The following NKAIN2 variants were observed in gnomAD, a reference collection of about 807,000 sequenced individuals.
NKAIN2 encodes sodium/potassium-transporting ATPase subunit beta-1-interacting protein 2.
Under a neutral mutation model 32.6 loss-of-function variants are expected in NKAIN2, and 14 were observed. That is an observed-to-expected ratio of 0.43 (90% CI 0.28 to 0.67). NKAIN2 has a LOEUF of 0.67. Among genes scored for constraint, NKAIN2 ranks in the 30% least tolerant of loss-of-function variants. The pLI, the probability that NKAIN2 is intolerant of heterozygous loss-of-function variation, is 0.17. For synonymous variants in NKAIN2, 80 were observed against 87.2 expected, an observed-to-expected ratio of 0.92 and a Z score of 0.46; for missense variants, 198 against 258.3, an observed-to-expected ratio of 0.77 and a Z score of 1.60.
chr6:124,704,848 A>G (rs1774974014), intron 4 of NKAIN2, among the ~76,000 whole-genome samples: 1 of 151,986 alleles, frequency 6.6e-6, no homozygotes, highest in Admixed American at 6.6e-5. Context: ...TCAGCAGGAA[A>G]TGGAAACAAC....
In NKAIN2 at chr6:124,551,591, A is replaced by T. The variant is rs1377219420; in HGVS notation, c.274-106595A>T. Reference sequence around the variant, plus strand: ...AAGCAAGCAAAAAAAAAATGTCATTACTGCTTTTGTCAGGGAAAAGGTGAT... The same window carrying T: ...AAGCAAGCAAAAAAAAAATGTCATTTCTGCTTTTGTCAGGGAAAAGGTGAT... On this transcript the variant is annotated intron_variant, in intron 3 of 6. Transcript: ENST00000368417. Among the ~76,000 whole-genome samples, 4 of 152,206 alleles carry T rather than the reference A, an allele frequency of 2.6e-5. No individual in the cohort carries two copies. In the East Asian group the frequency reaches 7.7e-4, roughly 29 times the overall value.
At chr6:124,790,521 C>T (rs1433765652) in intron 4 of NKAIN2, among the ~76,000 whole-genome samples, 1 of 152,062 alleles carries the variant, frequency 6.6e-6, no homozygotes, top group Non-Finnish European at 1.5e-5. Flanking sequence ...TTCCTCCAAA[C>T]TAGATCAATT....
chr6:124,167,034 G>C (rs1240637381), intron 1 of NKAIN2, among the ~76,000 whole-genome samples: 1 of 148,244 alleles, frequency 6.7e-6, no homozygotes, highest in Non-Finnish European at 1.5e-5. Flanking sequence ...CTTTAAAGTA[G>C]TTTTTTCCAA....
chr6:124,468,096 T>C (rs1028752675), intron 3 of NKAIN2, among the ~76,000 whole-genome samples: 15 of 152,260 alleles, frequency 9.9e-5, no homozygotes, highest in African/African-American at 3.1e-4. Flanking sequence ...CTGTATTATT[T>C]TGATACTTTC....
chr6:124,807,132 A>G (rs1780607402), intron 5 of NKAIN2, among the ~76,000 whole-genome samples: 1 of 152,158 alleles, frequency 6.6e-6, no homozygotes, highest in East Asian at 1.9e-4. Context: ...CTCTGCACCA[A>G]GTGGACCTAA....
At chr6:123,982,528 T>C (rs1778945919) in intron 1 of NKAIN2, among the ~76,000 whole-genome samples, 2 of 152,074 alleles carry the variant, frequency 1.3e-5, no homozygotes, top group Non-Finnish European at 2.9e-5. Flanking sequence ...TTGTGTGATT[T>C]TAGTGCATAT....
intron 1 of NKAIN2, among the ~76,000 whole-genome samples, chr6:123,860,747 CT>C (rs1197747836): frequency 2.6e-5 from 4 of 152,160 alleles, no homozygotes; most frequent in Non-Finnish European, 5.9e-5. Flanking sequence ...TTTATTGAAG[CT>C]TTTTATATAT....
chr6:124,802,325 C>T (rs1021967806), intron 5 of NKAIN2, among the ~76,000 whole-genome samples: 16 of 152,108 alleles, frequency 1.1e-4, no homozygotes, highest in African/African-American at 3.6e-4. Context: ...TCATGTCTAA[C>T]GAGCTCACCT....
chr6:124,437,248 G>C (rs143798675), intron 3 of NKAIN2, among the ~76,000 whole-genome samples: 1 of 152,150 alleles, frequency 6.6e-6, no homozygotes, highest in Non-Finnish European at 1.5e-5. Context: ...AAAAGGGCAG[G>C]GAATTTTTTT....
chr6:124,544,453 T>C (rs1321531392), intron 3 of NKAIN2, among the ~76,000 whole-genome samples: 1 of 152,040 alleles, frequency 6.6e-6, no homozygotes, highest in Admixed American at 6.6e-5. Flanking sequence ...CTGTAGAAAC[T>C]GGAAGCAACA....
chr6:124,706,640 C>G (rs1391982525), intron 4 of NKAIN2, among the ~76,000 whole-genome samples: 1 of 152,126 alleles, frequency 6.6e-6, no homozygotes, highest in Admixed American at 6.6e-5. Context: ...GATGTGAAAG[C>G]AGATAGAAAA....
chr6:123,887,241 TCTGTATTTGTGA>T (rs1773766794), intron 1 of NKAIN2, among the ~76,000 whole-genome samples: 1 of 152,052 alleles, frequency 6.6e-6, no homozygotes. Flanking sequence ...TAATGATGAG[TCTGTATTTGTGA>T]CATCTAGTGG....
At chr6:124,349,989 T>C (rs1248260146) in intron 2 of NKAIN2, among the ~76,000 whole-genome samples, 1 of 152,180 alleles carries the variant, frequency 6.6e-6, no homozygotes, top group Non-Finnish European at 1.5e-5. Flanking sequence ...TTTTCTCTCA[T>C]CACAGACAAT....
At chr6:124,344,815 A>G (rs1387006994) in intron 2 of NKAIN2, among the ~76,000 whole-genome samples, 1 of 152,104 alleles carries the variant, frequency 6.6e-6, no homozygotes, top group African/African-American at 2.4e-5. Flanking sequence ...CTAACTGAAT[A>G]CCCTTTATTT....
intron 3 of NKAIN2, among the ~76,000 whole-genome samples, chr6:124,425,653 C>A (rs1049292964): frequency 1.3e-5 from 2 of 151,846 alleles, no homozygotes; most frequent in East Asian, 3.9e-4. Context: ...CTGAACAGAC[C>A]TTTCTCCAAA....
chr6:124,441,319 G>A (rs534666012), intron 3 of NKAIN2, among the ~76,000 whole-genome samples: 2 of 152,178 alleles, frequency 1.3e-5, no homozygotes, highest in Admixed American at 6.6e-5. Context: ...CAAGAGAAAT[G>A]TGGTAGTTTA....
At chr6:124,232,848 T>G (rs1404613307) in intron 1 of NKAIN2, among the ~76,000 whole-genome samples, 1 of 152,174 alleles carries the variant, frequency 6.6e-6, no homozygotes, top group Non-Finnish European at 1.5e-5. Flanking sequence ...TAAACTAAAC[T>G]TTTTACATTG....
At chr6:124,359,223 T>C (rs1799149627) in intron 3 of NKAIN2, among the ~76,000 whole-genome samples, 1 of 151,994 alleles carries the variant, frequency 6.6e-6, no homozygotes, top group Admixed American at 6.6e-5. Flanking sequence ...TCCAGCTTTG[T>C]TCTTTTGGCT....
At chr6:124,702,638 C>A (rs1489875807) in intron 4 of NKAIN2, among the ~76,000 whole-genome samples, 1 of 152,044 alleles carries the variant, frequency 6.6e-6, no homozygotes, top group African/African-American at 2.4e-5. Context: ...TCACACTCCC[C>A]ATTTCCCCAC....
Sources: gnomAD v4.1 joint callset for allele counts (sites outside exome capture counted in the v4.1 genomes callset) on GRCh38, gnomAD v4.1.1 for gene constraint, MANE v1.5 for transcripts, NCBI Gene and HGNC (gene_info 2026-07-23, HGNC 2026-07-21) for gene names.